Variants in MAST4 observed in about 807,000 individuals in gnomAD.
MAST4 encodes the protein microtubule-associated serine/threonine-protein kinase 4.
MAST4 carries 89 observed loss-of-function variants against 162.7 expected under a neutral mutation model. The observed-to-expected ratio is 0.55, with a 90% CI of 0.46 to 0.65. The LOEUF is 0.65. MAST4 is among the 30% of genes least tolerant of loss of function. MAST4 has a pLI of 0.00. For synonymous variants in MAST4, 1,479 were observed against 1,361.1 expected (o/e 1.09, Z -1.91); for missense variants, 3,153 against 3,374.0 (o/e 0.93, Z 1.62).
Position 67,164,936 on chromosome 5 carries a change from A to T in MAST4, c.5757A>T (p.Gln1919His). ...SPGTVMESNP[Q>H]QREGSSPKHQ... is the part of the protein sequence containing the mutation. ...GAACAGTCATGGAAAGCAATCCCCA[A>T]CAGAGAGAGGGCAGCTCCCCTAAAC... is the stretch of plus-strand genomic sequence containing the variant. The change falls in exon 29 of 29, where the codon CAA becomes CAT. Residue 1919 changes from glutamine to histidine, a missense_variant. Transcript: ENST00000403625. The surrounding 1 kb of genome is among the most constrained non-coding windows in gnomAD (Gnocchi z 5.3). 6.2e-7 allele frequency: 1 copy of T among 1,613,894 alleles called. No homozygotes were observed. The highest frequency in any genetic ancestry group is 8.5e-7 in the Non-Finnish European group (1 of 1,179,870).
chr5:66,906,264 C>T (rs1246058816), intron 4 of MAST4, among the ~76,000 whole-genome samples: 1 of 152,294 alleles, frequency 6.6e-6, no homozygotes, highest in Non-Finnish European at 1.5e-5. Context: ...ACCCTCTCTT[C>T]TTATCATGGC....
At chr5:67,093,536 G>A (rs891422049) in intron 6 of MAST4, 2 of 385,412 alleles carry the variant, frequency 5.2e-6, no homozygotes, top group Admixed American at 2.7e-5. Context: ...ACAACTTAGG[G>A]AACTTTATGA....
intron 7 of MAST4, among the ~76,000 whole-genome samples, 167 bp from the exon 8 acceptor site, chr5:67,100,268 G>A (rs998010754): frequency 6.6e-6 from 1 of 152,132 alleles, no homozygotes; most frequent in African/African-American, 2.4e-5. Flanking sequence ...TGAACTCTGA[G>A]AGAGAACATC....
chr5:66,644,790 T>C (rs1745719497), intron 1 of MAST4, among the ~76,000 whole-genome samples: 1 of 150,444 alleles, frequency 6.6e-6, no homozygotes. Context: ...TAAGATGTCA[T>C]GTATAGGATA....
intron 4 of MAST4, among the ~76,000 whole-genome samples, chr5:66,976,069 T>C (rs1175482544): frequency 6.6e-6 from 1 of 152,200 alleles, no homozygotes; most frequent in Non-Finnish European, 1.5e-5. Flanking sequence ...TGTCTGTGCA[T>C]GGAGAAGAGA....
chr5:66,622,931 C>T (rs569346803), intron 1 of MAST4: 1 of 152,448 alleles, frequency 6.6e-6, no homozygotes, highest in African/African-American at 2.4e-5. Context: ...CATAGGTGCC[C>T]TGTTCCTAAG....
chr5:67,145,171 A>G lies in MAST4; in HGVS notation c.2886A>G (p.Ser962=), dbSNP rs1245911329. ...AACAGCTATCAACATCCAACTCTTC[A>G]GATACTGAAAGCAACAGACATAAAC... ...EMQQLSTSNS[S]DTESNRHKLS... is the part of the protein sequence containing the mutation. The change falls in exon 23 of 29, where the codon TCA becomes TCG. Residue 962 remains serine, a synonymous_variant. Transcript: ENST00000403625. 1.2e-6 allele frequency: 2 copies of G among 1,611,762 alleles called. No individual in the cohort carries two copies. The highest frequency in any genetic ancestry group is 2.2e-5 in the East Asian group (1 of 44,850).
chr5:66,754,666 A>G (rs1753415665), intron 1 of MAST4, among the ~76,000 whole-genome samples: 1 of 152,206 alleles, frequency 6.6e-6, no homozygotes, highest in South Asian at 2.1e-4. Context: ...GCAGTGGACA[A>G]AACAATATAG....
intron 1 of MAST4, among the ~76,000 whole-genome samples, chr5:66,669,143 C>T (rs560923467): frequency 6.6e-6 from 1 of 152,276 alleles, no homozygotes; most frequent in East Asian, 1.9e-4. Flanking sequence ...TTTCCTTCTC[C>T]TCCACCATCT....
At position 66,818,697 on chromosome 5, in the gene MAST4, C is replaced by T. The variant is rs571101267; in HGVS notation, c.642+29903C>T. The stretch of plus-strand genomic sequence containing the variant: ...TCTATCTGAAAGTTCTGCAGGGCAG[C>T]GCTTGCCCTTGGATTGCTGCTGCAG... On this transcript the variant is annotated intron_variant, in intron 3 of 28. Coordinates refer to ENST00000403625, the MANE Select transcript of MAST4 (RefSeq NM_001164664.2). 8.5e-5 allele frequency among the ~76,000 whole-genome samples: 13 copies of T among 152,282 alleles called. No homozygotes were observed. In the East Asian group the frequency reaches 1.7e-3, roughly 20 times the overall value.
At chr5:66,802,874 G>A (rs942777204) in intron 3 of MAST4, among the ~76,000 whole-genome samples, 2 of 152,064 alleles carry the variant, frequency 1.3e-5, no homozygotes, top group African/African-American at 2.4e-5. Context: ...AATTCTGCTT[G>A]CCTACTTTTC....
chr5:66,984,812 A>G (rs1195105816), intron 4 of MAST4, among the ~76,000 whole-genome samples: 1 of 152,070 alleles, frequency 6.6e-6, no homozygotes, highest in Non-Finnish European at 1.5e-5. Flanking sequence ...TGGGTCCTAG[A>G]TTGTCCACTG....
chr5:66,939,454 T>C (rs1218818913), intron 4 of MAST4, among the ~76,000 whole-genome samples: 1 of 152,216 alleles, frequency 6.6e-6, no homozygotes, highest in Non-Finnish European at 1.5e-5. Context: ...TGTAAAGTGA[T>C]ATCTCATTGT....
intron 5 of MAST4, among the ~76,000 whole-genome samples, chr5:67,062,256 G>A (rs1055486134): frequency 6.6e-6 from 1 of 152,112 alleles, no homozygotes; most frequent in Admixed American, 6.5e-5. Context: ...AAATTAGCCG[G>A]GCGTGGTGGC....
intron 1 of MAST4, among the ~76,000 whole-genome samples, chr5:66,668,772 T>C (rs16895444): frequency 6.6e-6 from 1 of 152,086 alleles, no homozygotes; most frequent in Non-Finnish European, 1.5e-5. Context: ...GAACTGTCCA[T>C]GTTTGTGAAA....
intron 1 of MAST4, among the ~76,000 whole-genome samples, chr5:66,707,615 C>T (rs934356564): frequency 6.6e-6 from 1 of 152,070 alleles, no homozygotes; most frequent in Admixed American, 6.6e-5. Flanking sequence ...TCCTAATTTC[C>T]TCTTCTTATA....
intron 24 of MAST4, among the ~76,000 whole-genome samples, chr5:67,151,833 T>C (rs1252155550): frequency 6.7e-6 from 1 of 148,996 alleles, no homozygotes; most frequent in Admixed American, 6.8e-5. Flanking sequence ...CATGGCACAG[T>C]CACGGCTCAC....
chr5:66,749,651 G>A (rs965572848), intron 1 of MAST4, among the ~76,000 whole-genome samples: 2 of 152,324 alleles, frequency 1.3e-5, no homozygotes. Flanking sequence ...CACTTCCTTT[G>A]TGCCAAGCAC....
At chr5:66,906,463 A>G (rs947092835) in intron 4 of MAST4, among the ~76,000 whole-genome samples, 31 of 152,200 alleles carry the variant, frequency 2.0e-4, no homozygotes, top group African/African-American at 7.2e-4. Context: ...TAAGTGGGCT[A>G]GTTATCTACT....
Sources: allele counts gnomAD v4.1 joint callset (sites outside exome capture counted in the v4.1 genomes callset), GRCh38; gene constraint gnomAD v4.1.1; non-coding constraint Gnocchi (gnomAD v3.1); transcripts MANE v1.5; gene names NCBI Gene and HGNC (gene_info 2026-07-23, HGNC 2026-07-21).